MACROD2: variants seen among roughly 807,000 people sequenced by gnomAD.
MACROD2 encodes the protein ADP-ribose glycohydrolase MACROD2.
A neutral mutation model predicts 70.4 loss-of-function variants in MACROD2; 36 were observed. That is an observed-to-expected ratio of 0.51 (90% CI 0.39 to 0.68). The LOEUF (loss-of-function observed/expected upper bound fraction) is 0.68, where lower values mean the gene tolerates loss of function less well. Ranked by LOEUF, MACROD2 falls within the 30% of genes least tolerant of loss-of-function variation. MACROD2 has a pLI of 0.00. For synonymous variants in MACROD2, 172 were observed against 178.8 expected, an observed-to-expected ratio of 0.96 and a Z score of 0.30; for missense variants, 496 against 538.4, an observed-to-expected ratio of 0.92 and a Z score of 0.78.
chr20:15,528,488 C>T (rs1400375811), intron 8 of MACROD2, among the ~76,000 whole-genome samples: 1 of 152,178 alleles, frequency 6.6e-6, no homozygotes, highest in East Asian at 1.9e-4. Flanking sequence ...ATGCACAGAA[C>T]AGTCTCTTAC....
rs1038735920 is a variant in MACROD2, at chr20:14,161,390, T to C, written c.271+75662T>C. 2.6e-5 allele frequency among the ~76,000 whole-genome samples: 4 copies of C among 151,496 alleles called. No individual in the cohort carries two copies. In the East Asian group the frequency reaches 7.8e-4, roughly 30 times the overall value. ...TTTTAGTACAGATGGGGTTTCACCA[T>C]GTTGGCTAGGATGGTCTCGATCTCC... On this transcript the variant is annotated intron_variant, in intron 3 of 17. Transcript: ENST00000684519.
intron 10 of MACROD2, among the ~76,000 whole-genome samples, chr20:15,902,581 G>A (rs2065080481): frequency 6.6e-6 from 1 of 152,080 alleles, no homozygotes; most frequent in Non-Finnish European, 1.5e-5. Context: ...TCATGCTAAT[G>A]TGTGACAGTT....
In MACROD2 at chr20:15,700,234, T is replaced by C. The variant is rs535454945; in HGVS notation, c.646-162511T>C. ...GCAAGCCTCTGCATGCTGCTCTGTC[T>C]AGAGCTGCAATCTGGTCTTGCCTCC... On this transcript the variant is annotated intron_variant, in intron 8 of 17. Transcript: ENST00000684519. Among the ~76,000 whole-genome samples the C allele has an allele frequency of 7.2e-5, 11 of 152,308 alleles. No homozygotes were observed. The East Asian group carries it at 2.1e-3, about 29-fold the overall frequency.
At chr20:15,883,030 T>TA (rs11480149) in intron 9 of MACROD2, among the ~76,000 whole-genome samples, 14,327 of 145,660 alleles carry the variant, frequency 0.098, 1,153 homozygotes, top group East Asian at 0.46. Context: ...ACAAGATTCT[T>TA]AAAAAAAAAA....
intron 5 of MACROD2, among the ~76,000 whole-genome samples, chr20:15,128,243 A>G (rs2076080533): frequency 6.6e-6 from 1 of 152,064 alleles, no homozygotes; most frequent in African/African-American, 2.4e-5. Context: ...ATATTTTTTA[A>G]TCTTGTTTTT....
chr20:15,611,499 T>C lies in MACROD2; in HGVS notation c.645+111652T>C, dbSNP rs114933447. ...ACACCCTGCATGCTTGCCAAGCACC[T>C]ACCTGGTGCCTAGTCTATTCTTCTA... On this transcript the variant is annotated intron_variant, in intron 8 of 17. Transcript: ENST00000684519. Among the ~76,000 whole-genome samples the C allele has an allele frequency of 4.1e-3, 622 of 152,284 alleles. 7 individuals carry two copies. The highest frequency in any genetic ancestry group is 0.036 in the East Asian group (185 of 5,158).
chr20:15,599,282 C>T (rs867916561), intron 8 of MACROD2, among the ~76,000 whole-genome samples: 33 of 151,922 alleles, frequency 2.2e-4, no homozygotes, highest in African/African-American at 6.8e-4. Context: ...GTCCCAGCTA[C>T]GCGGGAGGCT....
intron 5 of MACROD2, among the ~76,000 whole-genome samples, chr20:15,082,587 A>G (rs1427695382): frequency 1.4e-5 from 2 of 144,442 alleles, no homozygotes. Flanking sequence ...TCATAGAAAC[A>G]TATTTGCAAC....
intron 4 of MACROD2, among the ~76,000 whole-genome samples, chr20:14,524,291 G>A (rs1446613685): frequency 6.6e-6 from 1 of 152,098 alleles, no homozygotes; most frequent in African/African-American, 2.4e-5. Flanking sequence ...TCACCTTAAG[G>A]ATTCACTTTT....
chr20:14,193,471 T>C (rs575948553), intron 3 of MACROD2, among the ~76,000 whole-genome samples: 1 of 152,284 alleles, frequency 6.6e-6, no homozygotes, highest in East Asian at 1.9e-4. Flanking sequence ...AGAAGAGACT[T>C]TAATGAAGGG....
intron 3 of MACROD2, among the ~76,000 whole-genome samples, chr20:14,269,191 A>G (rs1164825702): frequency 6.6e-6 from 1 of 152,214 alleles, no homozygotes; most frequent in Non-Finnish European, 1.5e-5. Flanking sequence ...TGGCTTAGAT[A>G]ATACACAGAT....
intron 4 of MACROD2, among the ~76,000 whole-genome samples, chr20:14,565,517 T>C (rs917677791): frequency 6.6e-6 from 1 of 151,182 alleles, no homozygotes; most frequent in South Asian, 2.1e-4. Context: ...ACCTTTGGGA[T>C]TGGCTTTTTT....
rs1380191329 is a variant in MACROD2, at chr20:15,351,520, ACCT to A, written c.541-79881_541-79879del. On this transcript the variant is annotated intron_variant, in intron 6 of 17. Coordinates refer to ENST00000684519, the MANE Select transcript of MACROD2 (RefSeq NM_001351661.2). ...GACTCCACAGGAAAGAACAGTGGAA[ACCT>A]CCTGTTTGAGATCTCCCAGGCTCCT... is the stretch of plus-strand genomic sequence containing the variant. Among the ~76,000 whole-genome samples the A allele has an allele frequency of 3.9e-5, 6 of 152,054 alleles. No individual in the cohort carries two copies. The East Asian group carries it at 1.2e-3, about 29-fold the overall frequency.
At chr20:15,720,668 T>C (rs1320495986) in intron 8 of MACROD2, among the ~76,000 whole-genome samples, 2 of 152,220 alleles carry the variant, frequency 1.3e-5, no homozygotes, top group African/African-American at 2.4e-5. Context: ...CCTGGACTAT[T>C]GGCAGTGAGA....
chr20:14,218,490 A>G (rs2081642716), intron 3 of MACROD2, among the ~76,000 whole-genome samples: 1 of 152,212 alleles, frequency 6.6e-6, no homozygotes, highest in East Asian at 1.9e-4. Flanking sequence ...TAAGTGGAGC[A>G]TTTAGGCCAT....
At chr20:15,226,656 C>A (rs1052533961) in intron 5 of MACROD2, among the ~76,000 whole-genome samples, 1 of 152,058 alleles carries the variant, frequency 6.6e-6, no homozygotes, top group African/African-American at 2.4e-5. Flanking sequence ...AAAAAGAATT[C>A]TTATAGTCAA....
chr20:14,554,027 C>T (rs553279665), intron 4 of MACROD2, among the ~76,000 whole-genome samples: 1 of 152,260 alleles, frequency 6.6e-6, no homozygotes, highest in Middle Eastern at 3.4e-3. Context: ...AGGTCTTCTA[C>T]AGCTGTTTTG....
intron 4 of MACROD2, among the ~76,000 whole-genome samples, chr20:14,542,216 T>G (rs1438391307): frequency 6.6e-6 from 1 of 152,230 alleles, no homozygotes; most frequent in Non-Finnish European, 1.5e-5. Context: ...TATGTATATT[T>G]TGCCAATATG....
chr20:14,716,477 TAA>T (rs2071398333), intron 5 of MACROD2, among the ~76,000 whole-genome samples: 2 of 152,196 alleles, frequency 1.3e-5, no homozygotes, highest in Non-Finnish European at 2.9e-5. Context: ...AGCCAATTCT[TAA>T]TTCTTTCTGC....
Sources: allele counts gnomAD v4.1 joint callset (sites outside exome capture counted in the v4.1 genomes callset), GRCh38; gene constraint gnomAD v4.1.1; transcripts MANE v1.5; gene names NCBI Gene and HGNC (gene_info 2026-07-23, HGNC 2026-07-21).